Variants in CHD9 observed in about 807,000 individuals in gnomAD.
CHD9 encodes chromodomain helicase DNA binding protein 9.
CHD9 carries 77 observed loss-of-function variants against 316.1 expected under a neutral mutation model. The ratio of observed to expected loss-of-function variants is 0.24; its 90% CI spans 0.20 to 0.29. CHD9 has a LOEUF of 0.29. Among genes scored for constraint, CHD9 ranks in the 10% least tolerant of loss-of-function variants. CHD9 has a pLI of 1.00. For synonymous variants in CHD9, 1,129 were observed against 1,158.3 expected (o/e 0.97, Z 0.51); for missense variants, 2,763 against 3,438.1 (o/e 0.80, Z 4.91).
At chr16:53,187,799 C>G (rs144825851) in intron 2 of CHD9, among the ~76,000 whole-genome samples, 2 of 152,004 alleles carry the variant, frequency 1.3e-5, no homozygotes, top group East Asian at 3.9e-4. Flanking sequence ...TATGGAGGAA[C>G]AGGAATTAAA....
chr16:53,082,251 C>T (rs544709887), intron 1 of CHD9, among the ~76,000 whole-genome samples: 7 of 133,640 alleles, frequency 5.2e-5, no homozygotes, highest in African/African-American at 1.5e-4. Flanking sequence ...TTTATTTATT[C>T]ATGTATGTCA....
chr16:53,281,963 T>C (rs1303832603), intron 24 of CHD9, among the ~76,000 whole-genome samples: 1 of 152,222 alleles, frequency 6.6e-6, no homozygotes, highest in Non-Finnish European at 1.5e-5. Context: ...GTATATCTTC[T>C]TTCTTTCATT....
chr16:53,206,810 G>C (rs545062069), intron 2 of CHD9, among the ~76,000 whole-genome samples: 1 of 152,050 alleles, frequency 6.6e-6, no homozygotes, highest in Non-Finnish European at 1.5e-5. Context: ...TCTCTCATTA[G>C]CCAGCCCCTT....
At chr16:53,175,297 T>C (rs1266855178) in intron 2 of CHD9, among the ~76,000 whole-genome samples, 1 of 152,224 alleles carries the variant, frequency 6.6e-6, no homozygotes, top group Non-Finnish European at 1.5e-5. Context: ...CTTCAAGTTC[T>C]ATCTCCAACT....
chr16:53,295,344 C>A (rs969301764), intron 29 of CHD9, among the ~76,000 whole-genome samples: 3 of 152,182 alleles, frequency 2.0e-5, no homozygotes, highest in Non-Finnish European at 4.4e-5. Context: ...CCAGGCTTGT[C>A]TTGAATTCCT....
rs1018913032 is a variant in CHD9, at chr16:53,217,959, T to TCTTTC, written c.1785-4685_1785-4684insCTTTC. 1.3e-4 allele frequency among the ~76,000 whole-genome samples: 19 copies of TCTTTC among 143,202 alleles called. No individual in the cohort carries two copies. The East Asian group carries it at 3.5e-3, about 26-fold the overall frequency. 93.9% of individuals were successfully genotyped at this position (143,202 alleles called of 152,430 possible). A position where few individuals can be genotyped will look rare whatever the true frequency, so the allele number is the denominator to read the frequency against. ...TTCTTTCTTTCTTTCTTTCTTTCTT[T>TCTTTC]TTTTTTTTAATTCAGAATTACTGGG... is the stretch of plus-strand genomic sequence containing the variant. On this transcript the variant is annotated intron_variant, in intron 3 of 38. Transcript: ENST00000447540.
At chr16:53,085,470 A>C (rs1426020995) in intron 1 of CHD9, among the ~76,000 whole-genome samples, 1 of 152,036 alleles carries the variant, frequency 6.6e-6, no homozygotes, top group Non-Finnish European at 1.5e-5. Context: ...CTCCTGGTAC[A>C]TCACACACCC....
rs2055715575 is a variant in CHD9, at chr16:53,304,290, G to A, written c.6284G>A (p.Gly2095Asp). Reference protein sequence around the residue: ...LPQATGDQKSGGKCETDRRMV... With the variant: ...LPQATGDQKSDGKCETDRRMV... ...CAGGCTACTGGAGACCAGAAATCTG[G>A]TGGAAAATGTGAAACAGACAGACGC... Residue 2095 changes from glycine to aspartate, a missense_variant, in exon 31 of 39, where the codon GGT becomes GAT. Gly to Asp is a moderately conservative substitution (Grantham distance 94). This residue lies in a region of CHD9 where 663 missense variants were observed against 751.2 expected (regional missense o/e 0.88). Transcript: ENST00000447540. The A allele has an allele frequency of 6.2e-7, 1 of 1,611,602 alleles. No individual in the cohort carries two copies. Among genetic ancestry groups the A allele is most frequent in the Non-Finnish European group, 8.5e-7 (1 of 1,179,700 alleles).
At chr16:53,110,586 C>G (rs1189106406) in intron 1 of CHD9, among the ~76,000 whole-genome samples, 3 of 152,144 alleles carry the variant, frequency 2.0e-5, no homozygotes, top group Non-Finnish European at 4.4e-5. Flanking sequence ...CATGGTGAAA[C>G]CCTGTCTCTT....
At chr16:53,066,178 C>G (rs2033487862) in intron 1 of CHD9, among the ~76,000 whole-genome samples, 1 of 152,120 alleles carries the variant, frequency 6.6e-6, no homozygotes, top group Admixed American at 6.6e-5. Context: ...TGCTTAACCT[C>G]CTGAGCCTAG....
chr16:53,311,174 CAA>C (rs56041087), intron 34 of CHD9: 21 of 97,330 alleles, frequency 2.2e-4, no homozygotes, highest in Non-Finnish European at 2.6e-4. Context: ...AGACCTGTCT[CAA>C]AAAAAAAAAA....
At chr16:53,233,716 T>C (rs560308510) in intron 10 of CHD9, among the ~76,000 whole-genome samples, 7 of 152,234 alleles carry the variant, frequency 4.6e-5, no homozygotes, top group Admixed American at 3.9e-4. Context: ...TCAGGAATAT[T>C]GGCACACAAA....
chr16:53,080,229 A>G (rs78231272), intron 1 of CHD9, among the ~76,000 whole-genome samples: 2,239 of 152,310 alleles, frequency 0.015, 58 homozygotes, highest in African/African-American at 0.051. Context: ...CTTAGGAGAC[A>G]TATTTTGGCA....
chr16:53,061,881 A>G (rs1173624843), intron 1 of CHD9, among the ~76,000 whole-genome samples: 2 of 152,222 alleles, frequency 1.3e-5, no homozygotes, highest in Admixed American at 6.5e-5. Flanking sequence ...TTTGCTTTCT[A>G]AGATGTGCAA....
At chr16:53,197,921 G>T (rs1427825120) in intron 2 of CHD9, among the ~76,000 whole-genome samples, 1 of 152,078 alleles carries the variant, frequency 6.6e-6, no homozygotes, top group Admixed American at 6.5e-5. Context: ...GCCTCCCAAA[G>T]TACTGGGATT....
intron 1 of CHD9, among the ~76,000 whole-genome samples, chr16:53,137,307 A>G (rs1184075294): frequency 6.6e-6 from 1 of 152,100 alleles, no homozygotes; most frequent in African/African-American, 2.4e-5. Context: ...GAGTTTATTC[A>G]TTCTCATTGC....
At chr16:53,205,007 A>G (rs1192905041) in intron 2 of CHD9, among the ~76,000 whole-genome samples, 2 of 151,838 alleles carry the variant, frequency 1.3e-5, no homozygotes, top group East Asian at 1.9e-4. Context: ...ATGCCCAGCT[A>G]GTTTTTGTAT....
chr16:53,287,874 A>G (rs1330074869), intron 26 of CHD9, 83 bp from the exon 27 acceptor site: 4 of 1,143,280 alleles, frequency 3.5e-6, no homozygotes, highest in Non-Finnish European at 5.3e-6. Context: ...AAACAAACTA[A>G]AACCCTCCAA....
At chr16:53,297,842 A>G (rs2054943033) in intron 30 of CHD9, among the ~76,000 whole-genome samples, 1 of 152,196 alleles carries the variant, frequency 6.6e-6, no homozygotes, top group Non-Finnish European at 1.5e-5. Flanking sequence ...TGTATTTCCT[A>G]ACAGATTTTT....
Sources: gnomAD v4.1 joint callset for allele counts (sites outside exome capture counted in the v4.1 genomes callset) on GRCh38, gnomAD v4.1.1 for gene constraint, gnomAD v4.1.1 regional missense constraint, MANE v1.5 for transcripts, NCBI Gene and HGNC (gene_info 2026-07-23, HGNC 2026-07-21) for gene names.